The following STAB2 variants were observed in gnomAD, a reference collection of about 807,000 sequenced individuals.
The protein encoded by STAB2 is stabilin 2.
Under a neutral mutation model 338.1 loss-of-function variants are expected in STAB2, and 288 were observed. That is an observed-to-expected ratio of 0.85 (90% CI 0.77 to 0.94). The LOEUF (loss-of-function observed/expected upper bound fraction) is 0.94. STAB2 is among the 40% of genes least tolerant of loss of function. The probability of loss-of-function intolerance (pLI) is 0.00; values close to 1 mark genes in which losing one functional copy is unlikely to be tolerated. For missense variants in STAB2, 3,141 were observed against 3,210.1 expected, an observed-to-expected ratio of 0.98 and a Z score of 0.52; for synonymous variants, 1,202 against 1,193.3, an observed-to-expected ratio of 1.01 and a Z score of -0.15.
chr12:103,655,497 T>C lies in STAB2; in HGVS notation c.1650T>C (p.Gly550=), dbSNP rs755664534. 6.2e-7 allele frequency: 1 copy of C among 1,614,070 alleles called. No homozygotes were observed. The highest frequency in any genetic ancestry group is 8.5e-7 in the Non-Finnish European group (1 of 1,180,010). Residue 550 remains glycine (G), a synonymous_variant, in exon 15 of 69, where the codon GGT becomes GGC. Coordinates refer to ENST00000388887, the MANE Select transcript of STAB2 (RefSeq NM_017564.10). ...ATGCCTTAGATGAGGATGGAGTTGG[T>C]GGACCATACACCATTTTTGTTCCAA... ...LGHALDEDGV[G]GPYTIFVPNN...
chr12:103,724,777 C>CT (rs1881048138), intron 44 of STAB2, among the ~76,000 whole-genome samples, 198 bp from the exon 45 acceptor site: 11 of 152,174 alleles, frequency 7.2e-5, no homozygotes, highest in Admixed American at 7.2e-4. Context: ...TCTTAGGATA[C>CT]AAGGCCAGGT....
chr12:103,618,522 A>C (rs1201233229), intron 3 of STAB2, among the ~76,000 whole-genome samples: 2 of 152,194 alleles, frequency 1.3e-5, no homozygotes, highest in African/African-American at 2.4e-5. Flanking sequence ...CTGATTTCAC[A>C]TGCCACAGGG....
At position 103,761,399 on chromosome 12, in the gene STAB2, C is replaced by T. The variant is rs143800341; in HGVS notation, c.7348C>T (p.Pro2450Ser). 2.3e-4 allele frequency: 370 copies of T among 1,613,590 alleles called. 1 individual carries two copies. Among genetic ancestry groups the T allele is most frequent in the South Asian group, 7.7e-4 (70 of 91,034 alleles). The change falls in exon 66 of 69, where the codon CCT becomes TCT. Residue 2450 changes from proline to serine, a missense_variant. Physicochemically the swap from Pro to Ser is moderately conservative, Grantham distance 74. Coordinates refer to ENST00000388887, the MANE Select transcript of STAB2 (RefSeq NM_017564.10). ...CATTTCCAGGCCTTTAAAAGCACCCCCTGCCCCCGTGGTGAGTATCTAGGG... is the reference window on the plus strand; with the variant it reads ...CATTTCCAGGCCTTTAAAAGCACCCTCTGCCCCCGTGGTGAGTATCTAGGG... ...HVISRPLKAP[P>S]APVTLTHTGL...
intron 7 of STAB2, 91 bp downstream of exon 7, chr12:103,637,327 T>G: frequency 6.7e-7 from 1 of 1,491,012 alleles, no homozygotes; most frequent in African/African-American, 1.4e-5. Context: ...CTTAACACAA[T>G]GACCATTTCT....
intron 19 of STAB2, among the ~76,000 whole-genome samples, chr12:103,667,419 C>T (rs1875217166): frequency 6.6e-6 from 1 of 152,118 alleles, no homozygotes; most frequent in Non-Finnish European, 1.5e-5. Flanking sequence ...ATGATTAGGG[C>T]ACTAAGGCAA....
chr12:103,660,549 C>T, intron 16 of STAB2, 134 bp from the exon 17 acceptor site: 1 of 1,301,734 alleles, frequency 7.7e-7, no homozygotes, highest in Non-Finnish European at 1.1e-6. Flanking sequence ...TTCAAAGCCA[C>T]AAAAACTCTT....
intron 31 of STAB2, among the ~76,000 whole-genome samples, chr12:103,693,128 A>G (rs1375834846): frequency 6.6e-6 from 1 of 152,142 alleles, no homozygotes; most frequent in Non-Finnish European, 1.5e-5. Context: ...GTGGTCACAT[A>G]TATTATCTTT....
intron 36 of STAB2, chr12:103,705,036 G>A (rs557794621): frequency 6.3e-6 from 1 of 159,712 alleles, no homozygotes; most frequent in East Asian, 1.9e-4. Flanking sequence ...AGGTACGGGG[G>A]AGGTAGACAA....
At chr12:103,681,090 C>T (rs139313524) in intron 25 of STAB2, among the ~76,000 whole-genome samples, 1 of 152,150 alleles carries the variant, frequency 6.6e-6, no homozygotes, top group Non-Finnish European at 1.5e-5. Context: ...TGTTCCACAG[C>T]GTCTGAGGGC....
intron 10 of STAB2, among the ~76,000 whole-genome samples, chr12:103,649,415 C>A (rs1873573366): frequency 6.6e-6 from 1 of 152,148 alleles, no homozygotes; most frequent in Non-Finnish European, 1.5e-5. Flanking sequence ...CTTCTAAGGG[C>A]CATTACTCCA....
chr12:103,673,868 C>G, intron 22 of STAB2, 39 bp from the exon 23 acceptor site: 1 of 1,584,978 alleles, frequency 6.3e-7, no homozygotes, highest in South Asian at 1.1e-5. Flanking sequence ...TGGCTTGTCC[C>G]CAAGGCCTGG....
At chr12:103,600,592 C>T (rs1956939299) in intron 3 of STAB2, among the ~76,000 whole-genome samples, 1 of 152,172 alleles carries the variant, frequency 6.6e-6, no homozygotes, top group African/African-American at 2.4e-5. Context: ...AGGTCAGGGG[C>T]TTCAACATAT....
chr12:103,766,320 C>A lies in STAB2; in HGVS notation c.7640C>A (p.Pro2547His). Reference sequence around the variant, plus strand: ...GAACGGCAGCTTGAGGGCAATGACCCCTTGAGGACACTGTGAGGGCCTGGA... The same window carrying A: ...GAACGGCAGCTTGAGGGCAATGACCACTTGAGGACACTGTGAGGGCCTGGA... ...SEERQLEGND[P>H]LRTL The change falls in exon 69 of 69, where the codon CCC (proline) becomes CAC (histidine). Residue 2547 changes from proline (P) to histidine (H), a missense_variant. Coordinates refer to ENST00000388887, the MANE Select transcript of STAB2 (RefSeq NM_017564.10). 6.2e-7 allele frequency: 1 copy of A among 1,613,446 alleles called. No individual in the cohort carries two copies. Among genetic ancestry groups the A allele is most frequent in the Non-Finnish European group, 8.5e-7 (1 of 1,179,568 alleles).
intron 28 of STAB2, among the ~76,000 whole-genome samples, chr12:103,688,988 A>G (rs1877682076): frequency 6.7e-6 from 1 of 148,208 alleles, no homozygotes; most frequent in African/African-American, 2.5e-5. Context: ...AAATCAGTAA[A>G]TACTACAAAC....
intron 65 of STAB2, 128 bp downstream of exon 65, chr12:103,759,401 G>A (rs1406302800): frequency 2.0e-5 from 26 of 1,330,378 alleles, no homozygotes; most frequent in Middle Eastern, 2.4e-4. Flanking sequence ...GATAGGGGAC[G>A]GTGTTAACTG....
chr12:103,754,240 G>A (rs1278379351), intron 61 of STAB2, among the ~76,000 whole-genome samples: 3 of 151,950 alleles, frequency 2.0e-5, no homozygotes, highest in African/African-American at 7.3e-5. Context: ...ATGTGGCCTT[G>A]ATATCAAGCC....
chr12:103,725,554 G>A (rs757661465), intron 45 of STAB2, among the ~76,000 whole-genome samples: 3 of 152,112 alleles, frequency 2.0e-5, no homozygotes, highest in Non-Finnish European at 4.4e-5. Context: ...GCGTGTGCAT[G>A]TGTGCGTGCA....
intron 12 of STAB2, among the ~76,000 whole-genome samples, chr12:103,653,604 CTGGATGGATGGATGGA>C (rs375522471): frequency 4.0e-5 from 5 of 123,544 alleles, no homozygotes; most frequent in African/African-American, 1.6e-4. Context: ...GGATAGGTCA[CTGGATGGATGGATGGA>C]TGGATGGATG....
chr12:103,689,970 C>A lies in STAB2; in HGVS notation c.3170C>A (p.Pro1057Gln). The A allele has an allele frequency of 3.1e-6, 5 of 1,613,282 alleles. No homozygotes were observed. The highest frequency in any genetic ancestry group is 4.2e-6 in the Non-Finnish European group (5 of 1,179,722). The change falls in exon 29 of 69, where the codon CCA becomes CAA. Residue 1057 changes from proline (P) to glutamine (Q), a missense_variant. Physicochemically the swap from Pro to Gln is moderately conservative, Grantham distance 76. Transcript: ENST00000388887. ...KSFWLSQSNI[P>Q]ALIKYHMLLG... is the part of the protein sequence containing the mutation. ...TTCTGGTTGTCACAGAGCAATATTC[C>A]AGCCCTAATAAAGTAGGTGTTACTT... is the stretch of plus-strand genomic sequence containing the variant.
Sources: allele counts gnomAD v4.1 joint callset (sites outside exome capture counted in the v4.1 genomes callset), GRCh38; gene constraint gnomAD v4.1.1; transcripts MANE v1.5; gene names NCBI Gene and HGNC (gene_info 2026-07-23, HGNC 2026-07-21).